Variants in SNRPG observed in about 807,000 individuals in gnomAD.
SNRPG encodes small nuclear ribonucleoprotein polypeptide G.
A neutral mutation model predicts 13.9 loss-of-function variants in SNRPG; 3 were observed. That is an observed-to-expected ratio of 0.22 (90% CI 0.10 to 0.56). SNRPG has a LOEUF of 0.56. Ranked by LOEUF, SNRPG falls within the 20% of genes least tolerant of loss-of-function variation. The pLI is 0.93. For synonymous variants in SNRPG, 29 were observed against 29.3 expected, an observed-to-expected ratio of 0.99 and a Z score of 0.03; for missense variants, 34 against 96.1, an observed-to-expected ratio of 0.35 and a Z score of 2.70.
rs1253430785 is a variant in SNRPG at position 70,281,464 on chromosome 2, T to C, written c.*170A>G. On this transcript the variant is annotated 3_prime_UTR_variant, in exon 4 of 4. Transcript: ENST00000272348. ...AAATTCATGTTAGAAAAAACTGGAATGAGAGCTGATATTCTATATTCAGAA... is the reference window on the plus strand; with the variant it reads ...AAATTCATGTTAGAAAAAACTGGAACGAGAGCTGATATTCTATATTCAGAA... 4.7e-6 allele frequency: 2 copies of C among 426,324 alleles called. No homozygotes were observed. The highest frequency in any genetic ancestry group is 8.6e-6 in the Non-Finnish European group (2 of 232,774). 26.4% of individuals were successfully genotyped at this position (426,324 alleles called of 1,614,324 possible).
chr2:70,284,452 C>G (rs1267945938), intron 3 of SNRPG, among the ~76,000 whole-genome samples: 2 of 152,170 alleles, frequency 1.3e-5, no homozygotes, highest in Non-Finnish European at 2.9e-5. Context: ...GGTTCAATCA[C>G]AGCTAACTGC....
chr2:70,285,470 G>A (rs1384298456), intron 3 of SNRPG, among the ~76,000 whole-genome samples: 3 of 152,158 alleles, frequency 2.0e-5, no homozygotes, highest in Admixed American at 6.5e-5. Context: ...TACTCGGGAA[G>A]CTGAGGCAGG....
At chr2:70,291,012 AAAACAC>A (rs1697076847) in intron 1 of SNRPG, among the ~76,000 whole-genome samples, 1 of 67,096 alleles carries the variant, frequency 1.5e-5, no homozygotes, top group Non-Finnish European at 3.1e-5. Flanking sequence ...ACTCCATCTC[AAAACAC>A]ACACACACAC....
chr2:70,289,404 C>T lies in SNRPG; in HGVS notation c.33-32G>A, dbSNP rs760043335. The T allele has an allele frequency of 8.1e-6, 10 of 1,236,918 alleles. 1 individual carries two copies. The highest frequency in any genetic ancestry group is 4.5e-5 in the Admixed American group (2 of 44,338). 76.6% of individuals were successfully genotyped at this position (1,236,918 alleles called of 1,614,324 possible). The stretch of plus-strand genomic sequence containing the variant: ...AAGGAAAAGGGTAAAGATTATATAA[C>T]CAATTAAAAAAATTTAAGCATAAAC... On this transcript the variant is annotated intron_variant, in intron 1 of 3. Transcript: ENST00000272348.
intron 1 of SNRPG, among the ~76,000 whole-genome samples, chr2:70,292,089 A>G (rs1697114226): frequency 6.6e-6 from 1 of 151,442 alleles, no homozygotes; most frequent in African/African-American, 2.4e-5. Flanking sequence ...CTGGGACTAC[A>G]AGCGCCCGCC....
At chr2:70,287,234 T>C (rs182485519) in intron 3 of SNRPG, 23 of 685,818 alleles carry the variant, frequency 3.4e-5, no homozygotes, top group Admixed American at 1.5e-4. Context: ...TCAAGGTTAA[T>C]AAATCAAGGC....
At chr2:70,283,116 A>AAC (rs1696849599) in intron 3 of SNRPG, among the ~76,000 whole-genome samples, 1 of 148,654 alleles carries the variant, frequency 6.7e-6, no homozygotes, top group African/African-American at 2.5e-5. Flanking sequence ...AAAAAAAAAA[A>AAC]AAAAAAAACA....
chr2:70,293,717 T>C lies in SNRPG; in HGVS notation c.-68A>G. ...CACGGCTTTCCTCACGCTCCCGCTG[T>C]AGGCCCGGCGTCTTGCGTCTGGCGT... is the stretch of plus-strand genomic sequence containing the variant. On this transcript the variant is annotated 5_prime_UTR_variant, in exon 1 of 4. Coordinates refer to ENST00000272348, the MANE Select transcript of SNRPG (RefSeq NM_003096.4). 1 of 1,475,604 alleles carries C rather than the reference T, an allele frequency of 6.8e-7. No homozygotes were observed. The highest frequency in any genetic ancestry group is 9.5e-7 in the Non-Finnish European group (1 of 1,053,886). The allele number at this position is 1,475,604 out of a possible 1,614,324, so 91.4% of individuals were successfully genotyped here.
At chr2:70,285,623 T>C (rs1156271834) in intron 3 of SNRPG, among the ~76,000 whole-genome samples, 1 of 152,136 alleles carries the variant, frequency 6.6e-6, no homozygotes, top group African/African-American at 2.4e-5. Context: ...TAGGGTTCAC[T>C]ACTATCTGTG....
chr2:70,283,640 A>C (rs777420616), intron 3 of SNRPG, among the ~76,000 whole-genome samples: 5 of 152,228 alleles, frequency 3.3e-5, no homozygotes, highest in Non-Finnish European at 5.9e-5. Context: ...AAATATGAAT[A>C]AAAGAACTCA....
intron 3 of SNRPG, among the ~76,000 whole-genome samples, chr2:70,286,420 C>G (rs1696943627): frequency 6.7e-6 from 1 of 150,286 alleles, no homozygotes; most frequent in Admixed American, 6.6e-5. Flanking sequence ...CTGTTCTTGC[C>G]TTTTAAAATG....
At chr2:70,283,460 G>C (rs1696864352) in intron 3 of SNRPG, among the ~76,000 whole-genome samples, 1 of 152,186 alleles carries the variant, frequency 6.6e-6, no homozygotes, top group Admixed American at 6.5e-5. Flanking sequence ...TAGAGTAAAA[G>C]TAGTTGTAAC....
At chr2:70,287,935 G>GTT (rs34979618) in intron 3 of SNRPG, 133 bp downstream of exon 3, 544,666 of 783,110 alleles carry the variant, frequency 0.7, 191,249 homozygotes, top group African/African-American at 0.84. Flanking sequence ...ACTGCCGTAT[G>GTT]CAACTAAAAA....
In SNRPG at chr2:70,288,057, T is replaced by C. The variant is rs1244788528; in HGVS notation, c.180+11A>G. 6.2e-7 allele frequency: 1 copy of C among 1,610,838 alleles called. No individual in the cohort carries two copies. Among genetic ancestry groups the C allele is most frequent in the East Asian group, 2.2e-5 (1 of 44,850 alleles). On this transcript the variant is annotated intron_variant, in intron 3 of 3. Coordinates refer to ENST00000272348, the MANE Select transcript of SNRPG (RefSeq NM_003096.4). ...TGAAATCTCCAAGAGAACTCTTGTA[T>C]CTTTACTTACCACCATTCCAATATT...
intron 1 of SNRPG, 52 bp from the exon 2 acceptor site, chr2:70,289,424 A>C (rs763539307): frequency 7.1e-6 from 7 of 982,768 alleles, no homozygotes; most frequent in Non-Finnish European, 1.1e-5. Context: ...AAATTTAAGC[A>C]TAAACAAGTA....
rs1356621750 is a variant in SNRPG, at chr2:70,283,103, A to C, written c.181-1419T>G. Among the ~76,000 whole-genome samples the C allele has an allele frequency of 5.5e-5, 8 of 145,322 alleles. 1 individual carries two copies. The highest frequency in any genetic ancestry group is 2.1e-4 in the African/African-American group (8 of 38,714). ...AGCGAAACTGTCTTTTGTCAAAAAAAAAAAAAAAAAAAAAAAAAAAACAAC... is the reference window on the plus strand; with the variant it reads ...AGCGAAACTGTCTTTTGTCAAAAAACAAAAAAAAAAAAAAAAAAAAACAAC... On this transcript the variant is annotated intron_variant, in intron 3 of 3. Coordinates refer to ENST00000272348, the MANE Select transcript of SNRPG (RefSeq NM_003096.4).
chr2:70,291,504 G>A (rs973100640), intron 1 of SNRPG, among the ~76,000 whole-genome samples: 4 of 152,198 alleles, frequency 2.6e-5, no homozygotes, highest in African/African-American at 9.7e-5. Flanking sequence ...AGTCGAATAA[G>A]CAGTAGGATG....
intron 3 of SNRPG, among the ~76,000 whole-genome samples, chr2:70,283,120 A>AC (rs1559041607): frequency 4.0e-5 from 6 of 148,528 alleles, no homozygotes; most frequent in African/African-American, 7.6e-5. Flanking sequence ...AAAAAAAAAA[A>AC]AAAACAACAA....
intron 3 of SNRPG, among the ~76,000 whole-genome samples, chr2:70,286,691 A>C (rs1696950876): frequency 6.6e-6 from 1 of 152,074 alleles, no homozygotes; most frequent in East Asian, 1.9e-4. Context: ...GTTTAGGGGG[A>C]AAATTGCCAG....
Sources: gnomAD v4.1 joint callset for allele counts (sites outside exome capture counted in the v4.1 genomes callset) on GRCh38, gnomAD v4.1.1 for gene constraint, MANE v1.5 for transcripts, NCBI Gene and HGNC (gene_info 2026-07-23, HGNC 2026-07-21) for gene names.